Variants in PTPRS observed in about 807,000 individuals in gnomAD.
PTPRS encodes receptor-type tyrosine-protein phosphatase S.
A neutral mutation model predicts 215.3 loss-of-function variants in PTPRS; 63 were observed. The ratio of observed to expected loss-of-function variants is 0.29; its 90% confidence interval spans 0.24 to 0.36. PTPRS has a LOEUF of 0.36. Ranked by LOEUF, PTPRS falls within the 10% of genes least tolerant of loss-of-function variation. The pLI, the probability that PTPRS is intolerant of heterozygous loss-of-function variation, is 1.00. For synonymous variants in PTPRS, 1,404 were observed against 1,191.4 expected (o/e 1.18, Z -3.68); for missense variants, 2,258 against 2,825.8 (o/e 0.80, Z 4.56).
intron 12 of PTPRS, 54 bp from the exon 13 acceptor site, chr19:5,239,117 CAG>C: frequency 1.6e-6 from 2 of 1,238,494 alleles, no homozygotes; most frequent in Non-Finnish European, 2.2e-6. Context: ...GAGAGAGAGA[CAG>C]AAACAAAGGG....
rs376410117 is a variant in PTPRS, at chr19:5,208,517, T to C, written c.5488-126A>G. On this transcript the variant is annotated intron_variant, in intron 35 of 37. Transcript: ENST00000262963. Reference sequence around the variant, plus strand: ...TGTTTTTGAGATGGAGTTTCACTCTTGTCGCCCAGGTTGGAGTGCAATGGC... The same window carrying C: ...TGTTTTTGAGATGGAGTTTCACTCTCGTCGCCCAGGTTGGAGTGCAATGGC... The C allele has an allele frequency of 3.6e-4, 366 of 1,026,598 alleles. 1 individual carries two copies. In the South Asian group the frequency reaches 7.2e-3, roughly 20 times the overall value. 63.6% of individuals were successfully genotyped at this position (1,026,598 alleles called of 1,614,324 possible).
In PTPRS at chr19:5,262,974, T is replaced by C. The variant is rs573091848; in HGVS notation, c.569-2A>G. The C allele has an allele frequency of 6.3e-7, 1 of 1,581,714 alleles. No individual in the cohort carries two copies. Among genetic ancestry groups the C allele is most frequent in the Non-Finnish European group, 8.6e-7 (1 of 1,164,472 alleles). On this transcript the variant is annotated splice_acceptor_variant, in intron 5 of 37. Transcript: ENST00000262963. LOFTEE classifies it high-confidence loss of function. ...TGAAATCAGACTTACCAAAGGTTTC[T>C]GAACGTTTACAACAGGAGGATAAGA... is the stretch of plus-strand genomic sequence containing the variant.
At position 5,242,163 on chromosome 19, in the gene PTPRS, C is replaced by T. The variant is rs544517845; in HGVS notation, c.1570+1738G>A. ...GTTTTCATTATTTCAGAAGCAGTGGCGCTGGTCCCTCTAATGAGAACAGAT... is the reference window on the plus strand; with the variant it reads ...GTTTTCATTATTTCAGAAGCAGTGGTGCTGGTCCCTCTAATGAGAACAGAT... On this transcript the variant is annotated intron_variant, in intron 11 of 37. Transcript: ENST00000262963. 4.6e-5 allele frequency among the ~76,000 whole-genome samples: 7 copies of T among 151,646 alleles called. No homozygotes were observed. The South Asian group carries it at 8.4e-4, about 18-fold the overall frequency.
intron 1 of PTPRS, among the ~76,000 whole-genome samples, chr19:5,322,782 G>C (rs962366685): frequency 6.6e-6 from 1 of 150,656 alleles, no homozygotes; most frequent in Non-Finnish European, 1.5e-5. Context: ...GAGAGGCTGA[G>C]GCAGGAGAAT....
At position 5,223,081 on chromosome 19, in the gene PTPRS, C is replaced by T. The variant is rs377203716; in HGVS notation, c.2711G>A (p.Arg904Gln). Residue 904 changes from arginine to glutamine, a missense_variant, in exon 18 of 38, where the codon CGG (arginine) becomes CAG (glutamine). This residue lies in a region of PTPRS where 361 missense variants were observed against 332.6 expected (regional missense o/e 1.09). Transcript: ENST00000262963. ...GCCGCCGCGGCTCCGGGCCGCAAGC[C>T]GGAACACATACGTGGCCCCCTTGTG... ...GVHKGATYVFRLAARSRGGLG... is the reference protein window; with the variant it reads ...GVHKGATYVFQLAARSRGGLG... The T allele has an allele frequency of 1.6e-4, 246 of 1,560,210 alleles. No homozygotes were observed. Among genetic ancestry groups the T allele is most frequent in the Non-Finnish European group, 2.0e-4 (236 of 1,152,700 alleles).
chr19:5,335,434 G>A lies in PTPRS; in HGVS notation c.-95+5230C>T, dbSNP rs1379521266. Among the ~76,000 whole-genome samples, 3 of 152,188 alleles carry A rather than the reference G, an allele frequency of 2.0e-5. No individual in the cohort carries two copies. In the East Asian group the frequency reaches 5.8e-4, roughly 29 times the overall value. On this transcript the variant is annotated intron_variant, in intron 1 of 37. Transcript: ENST00000262963. ...AGGGCTCTGACCTGGAACCCAGAGG[G>A]GTAACCTCATTCTGTAAGTGAGGAA... is the stretch of plus-strand genomic sequence containing the variant.
Position 5,260,030 on chromosome 19 carries a change from G to A in PTPRS, c.595+775C>T, listed in dbSNP as rs374876894. 1.2e-3 allele frequency among the ~76,000 whole-genome samples: 183 copies of A among 152,158 alleles called. 1 individual carries two copies. The highest frequency in any genetic ancestry group is 4.0e-3 in the African/African-American group (168 of 41,512). On this transcript the variant is annotated intron_variant, in intron 7 of 37. Coordinates refer to ENST00000262963, the MANE Select transcript of PTPRS (RefSeq NM_002850.4). Reference sequence around the variant, plus strand: ...CAGGTTCCCACTCAGGCCTTCTCTTGGCTCTTCTCTGAGGCAAAAGTTGGG... The same window carrying A: ...CAGGTTCCCACTCAGGCCTTCTCTTAGCTCTTCTCTGAGGCAAAAGTTGGG...
intron 4 of PTPRS, among the ~76,000 whole-genome samples, chr19:5,271,931 G>T (rs923624786): frequency 6.6e-6 from 1 of 151,662 alleles, no homozygotes; most frequent in Admixed American, 6.6e-5. Context: ...TACCATGTTG[G>T]CCAGGCTGGT....
chr19:5,265,224 G>T, intron 4 of PTPRS, 28 bp from the exon 5 acceptor site: 1 of 1,599,948 alleles, frequency 6.3e-7, no homozygotes, highest in Non-Finnish European at 8.5e-7. Context: ...AGAGAAATGG[G>T]CATGGTTCTG....
At position 5,205,714 on chromosome 19, in the gene PTPRS, AG is replaced by A. The variant is rs2040313223; in HGVS notation, c.*1059del. 6.6e-6 allele frequency among the ~76,000 whole-genome samples: 1 copy of A among 152,112 alleles called. No homozygotes were observed. Among genetic ancestry groups the A allele is most frequent in the African/African-American group, 2.4e-5 (1 of 41,428 alleles). On this transcript the variant is annotated 3_prime_UTR_variant, in exon 38 of 38. Transcript: ENST00000262963. The stretch of plus-strand genomic sequence containing the variant: ...TGCTCCCAAACTGCCCCACAGTCCC[AG>A]GGGGAAAGGGTCCCTGATGTGGGGC...
Position 5,257,882 on chromosome 19 carries a change from C to A in PTPRS, c.706+135G>T. 1 of 705,174 alleles carries A rather than the reference C, an allele frequency of 1.4e-6. No homozygotes were observed. 43.7% of individuals were successfully genotyped at this position (705,174 alleles called of 1,614,324 possible). On this transcript the variant is annotated intron_variant, in intron 8 of 37. Coordinates refer to ENST00000262963, the MANE Select transcript of PTPRS (RefSeq NM_002850.4). This position sits in a 1 kb window ranked among gnomAD's most constrained non-coding sequence, Gnocchi z 4.4. ...AGAGGGACGCCGCCTCGGCCAAGGT[C>A]CCACCGCGACCGGGGAGGGGCCTTC...
chr19:5,228,346 AG>A lies in PTPRS; in HGVS notation c.2376+969del, dbSNP rs914496636. ...GGCGATAGTGTGAGACTCCGTCTGGAGAAAAAAAAAAAAAAAAGAGACAGGG... is the reference window on the plus strand; with the variant it reads ...GGCGATAGTGTGAGACTCCGTCTGGAAAAAAAAAAAAAAAAAGAGACAGGG... On this transcript the variant is annotated intron_variant, in intron 16 of 37. Transcript: ENST00000262963. Among the ~76,000 whole-genome samples the A allele has an allele frequency of 1.1e-4, 8 of 70,206 alleles. 1 individual carries two copies. Among genetic ancestry groups the A allele is most frequent in the South Asian group, 1.2e-3 (2 of 1,734 alleles). The allele number at this position is 70,206 out of a possible 152,430, so 46.1% of individuals were successfully genotyped here.
intron 9 of PTPRS, 102 bp downstream of exon 9, chr19:5,256,006 G>C (rs139856492): frequency 1.3e-5 from 11 of 879,494 alleles, no homozygotes; most frequent in South Asian, 1.2e-4. Flanking sequence ...GTGTGTCAGC[G>C]TGTGTCCGTG....
intron 30 of PTPRS, among the ~76,000 whole-genome samples, chr19:5,213,432 A>C (rs2041115148): frequency 6.8e-6 from 1 of 146,226 alleles, no homozygotes; most frequent in Non-Finnish European, 1.5e-5. Flanking sequence ...GTCCCCCCAA[A>C]TCTCCCCATC....
chr19:5,327,361 C>T (rs1215812479), intron 1 of PTPRS, among the ~76,000 whole-genome samples: 1 of 152,186 alleles, frequency 6.6e-6, no homozygotes. Flanking sequence ...TACCAAGACC[C>T]TTCTACCCAA....
chr19:5,239,165 GA>G, intron 12 of PTPRS, 102 bp from the exon 13 acceptor site: 12 of 288,054 alleles, frequency 4.2e-5, no homozygotes, highest in Admixed American at 1.7e-4. Context: ...GGGGGAGGGG[GA>G]GAGAGAGAGA....
chr19:5,208,518 G>T (rs2040574498), intron 35 of PTPRS, 127 bp from the exon 36 acceptor site: 2 of 1,012,088 alleles, frequency 2.0e-6, no homozygotes, highest in Non-Finnish European at 1.4e-6. Context: ...TTTCACTCTT[G>T]TCGCCCAGGT....
intron 9 of PTPRS, among the ~76,000 whole-genome samples, chr19:5,252,318 T>C (rs1204857894): frequency 6.6e-6 from 1 of 152,172 alleles, no homozygotes; most frequent in Non-Finnish European, 1.5e-5. Context: ...GGCTCACTCC[T>C]GCAATCCCAG....
At position 5,338,869 on chromosome 19, in the gene PTPRS, G is replaced by A. The variant is rs2050593392; in HGVS notation, c.-95+1795C>T. On this transcript the variant is annotated intron_variant, in intron 1 of 37. Transcript: ENST00000262963. The surrounding 1 kb of genome is among the most constrained non-coding windows in gnomAD (Gnocchi z 4.2). ...AAGGCGGCAGAAAGAGGGAAGAAGGGCGCCCCAGACAAAGAGGCGCCGTCA... is the reference window on the plus strand; with the variant it reads ...AAGGCGGCAGAAAGAGGGAAGAAGGACGCCCCAGACAAAGAGGCGCCGTCA... Among the ~76,000 whole-genome samples, 1 of 152,182 alleles carries A rather than the reference G, an allele frequency of 6.6e-6. No individual in the cohort carries two copies. Among genetic ancestry groups the A allele is most frequent in the African/African-American group, 2.4e-5 (1 of 41,450 alleles).
Sources: allele counts gnomAD v4.1 joint callset (sites outside exome capture counted in the v4.1 genomes callset), GRCh38; gene constraint gnomAD v4.1.1; regional missense constraint gnomAD v4.1.1; non-coding constraint Gnocchi (gnomAD v3.1); transcripts MANE v1.5; gene names NCBI Gene and HGNC (gene_info 2026-07-23, HGNC 2026-07-21).